The following CDYL2 variants were observed in gnomAD, a reference collection of about 807,000 sequenced individuals.
The protein encoded by CDYL2 is chromodomain Y like 2.
A neutral mutation model predicts 49.4 loss-of-function variants in CDYL2; 23 were observed. The ratio of observed to expected loss-of-function variants is 0.47; its 90% CI spans 0.34 to 0.66. CDYL2 has a LOEUF of 0.66. CDYL2 is among the 30% of genes least tolerant of loss of function. The probability of loss-of-function intolerance (pLI) is 0.01; values close to 1 mark genes in which losing one functional copy is unlikely to be tolerated. For missense variants in CDYL2, 678 were observed against 656.4 expected, an observed-to-expected ratio of 1.03 and a Z score of -0.36; for synonymous variants, 360 against 268.8, an observed-to-expected ratio of 1.34 and a Z score of -3.32.
At chr16:80,708,818 C>T (rs1441054813) in intron 1 of CDYL2, among the ~76,000 whole-genome samples, 1 of 151,742 alleles carries the variant, frequency 6.6e-6, no homozygotes, top group Non-Finnish European at 1.5e-5. Context: ...GTTCTCAGTT[C>T]CAAAGCATCG....
chr16:80,719,914 G>C (rs892266192), intron 1 of CDYL2, among the ~76,000 whole-genome samples: 2 of 152,194 alleles, frequency 1.3e-5, no homozygotes, highest in Admixed American at 6.5e-5. Flanking sequence ...CCCTGGCATA[G>C]AGAGGCCAAA....
intron 1 of CDYL2, among the ~76,000 whole-genome samples, chr16:80,776,269 G>A (rs942441790): frequency 1.3e-5 from 2 of 151,992 alleles, no homozygotes; most frequent in African/African-American, 4.8e-5. Context: ...CAACTAGCTA[G>A]AAAATTAAAA....
At chr16:80,641,033 T>C (rs1908063083) in intron 2 of CDYL2, among the ~76,000 whole-genome samples, 1 of 152,072 alleles carries the variant, frequency 6.6e-6, no homozygotes, top group South Asian at 2.1e-4. Flanking sequence ...GAGTGGAAAG[T>C]TTATTCAAAG....
chr16:80,633,307 C>G, intron 2 of CDYL2, 71 bp from the exon 3 acceptor site: 1 of 1,480,734 alleles, frequency 6.8e-7, no homozygotes, highest in Non-Finnish European at 9.3e-7. Context: ...GATCAGAGGA[C>G]GTTGGGATTT....
chr16:80,718,998 G>C (rs1904906796), intron 1 of CDYL2, among the ~76,000 whole-genome samples: 2 of 152,222 alleles, frequency 1.3e-5, no homozygotes, highest in African/African-American at 4.8e-5. Flanking sequence ...ACTAGGGCAT[G>C]AATACTGGGC....
At chr16:80,714,305 A>G (rs563642093) in intron 1 of CDYL2, among the ~76,000 whole-genome samples, 24 of 151,342 alleles carry the variant, frequency 1.6e-4, no homozygotes, top group African/African-American at 5.6e-4. Context: ...ATAAATCAAG[A>G]AAAAAAAAGC....
At chr16:80,730,735 T>A (rs1028901766) in intron 1 of CDYL2, among the ~76,000 whole-genome samples, 2 of 152,156 alleles carry the variant, frequency 1.3e-5, no homozygotes, top group East Asian at 3.8e-4. Context: ...TGGATAAATA[T>A]GTAGGGGTGT....
intron 1 of CDYL2, among the ~76,000 whole-genome samples, chr16:80,782,848 T>C (rs1221102134): frequency 2.0e-5 from 3 of 152,088 alleles, no homozygotes; most frequent in African/African-American, 7.2e-5. Flanking sequence ...AATGAAACTC[T>C]CTTAACATCA....
At chr16:80,651,704 G>A (rs767892085) in intron 2 of CDYL2, among the ~76,000 whole-genome samples, 5 of 152,294 alleles carry the variant, frequency 3.3e-5, no homozygotes, top group South Asian at 2.1e-4. Context: ...AAGGGGTTAC[G>A]GAAATATGGT....
chr16:80,728,985 C>T (rs1391569769), intron 1 of CDYL2, among the ~76,000 whole-genome samples: 1 of 151,794 alleles, frequency 6.6e-6, no homozygotes, highest in Non-Finnish European at 1.5e-5. Context: ...CGGTACCAGC[C>T]ACTGCAAAAT....
intron 2 of CDYL2, among the ~76,000 whole-genome samples, chr16:80,643,203 AGTCAAAT>A (rs1318207035): frequency 6.6e-6 from 1 of 152,218 alleles, no homozygotes; most frequent in Non-Finnish European, 1.5e-5. Context: ...CCAGCAGGGC[AGTCAAAT>A]TTTAAAGCTC....
intron 2 of CDYL2, among the ~76,000 whole-genome samples, chr16:80,683,704 A>C (rs902516622): frequency 1.3e-5 from 2 of 152,164 alleles, no homozygotes; most frequent in Non-Finnish European, 2.9e-5. Flanking sequence ...TTAGGAGGTA[A>C]TTAAGTCATA....
chr16:80,719,563 A>G (rs1904929005), intron 1 of CDYL2, among the ~76,000 whole-genome samples: 1 of 152,218 alleles, frequency 6.6e-6, no homozygotes, highest in Admixed American at 6.5e-5. Context: ...TCAGCTCTGC[A>G]GGCAGTTCCT....
chr16:80,734,288 G>A (rs1264169799), intron 1 of CDYL2, among the ~76,000 whole-genome samples: 3 of 152,248 alleles, frequency 2.0e-5, no homozygotes, highest in Non-Finnish European at 2.9e-5. Flanking sequence ...TTAGAACCAT[G>A]GTAGCCACGC....
chr16:80,750,491 AG>A (rs1189239794), intron 1 of CDYL2, among the ~76,000 whole-genome samples: 4 of 152,034 alleles, frequency 2.6e-5, no homozygotes, highest in Non-Finnish European at 5.9e-5. Flanking sequence ...TGTGAAAAAG[AG>A]GCTATAAACA....
intron 1 of CDYL2, among the ~76,000 whole-genome samples, chr16:80,704,791 G>T (rs756456226): frequency 6.6e-6 from 1 of 152,330 alleles, no homozygotes; most frequent in Non-Finnish European, 1.5e-5. Flanking sequence ...GAAAGGCCAC[G>T]TGGCTGAAGC....
intron 1 of CDYL2, among the ~76,000 whole-genome samples, chr16:80,698,666 G>C (rs1213765167): frequency 6.6e-6 from 1 of 152,032 alleles, no homozygotes; most frequent in Non-Finnish European, 1.5e-5. Flanking sequence ...AGATCTGATT[G>C]TTTCAAAGTA....
intron 2 of CDYL2, among the ~76,000 whole-genome samples, chr16:80,655,968 T>C (rs1014224329): frequency 5.3e-5 from 8 of 152,198 alleles, no homozygotes; most frequent in African/African-American, 1.9e-4. Flanking sequence ...CTTAGGGCTC[T>C]GCAGTCAGAG....
At chr16:80,618,960 G>C (rs529785032) in intron 4 of CDYL2, among the ~76,000 whole-genome samples, 5 of 152,166 alleles carry the variant, frequency 3.3e-5, no homozygotes, top group Non-Finnish European at 7.4e-5. Flanking sequence ...ACAATCAAAA[G>C]GTATTCTCTC....
Sources: gnomAD v4.1 joint callset for allele counts (sites outside exome capture counted in the v4.1 genomes callset) on GRCh38, gnomAD v4.1.1 for gene constraint, MANE v1.5 for transcripts, NCBI Gene and HGNC (gene_info 2026-07-23, HGNC 2026-07-21) for gene names.